NR5A2: variants seen among roughly 807,000 people sequenced by gnomAD.
The protein encoded by NR5A2 is CYP7A promoter-binding factor.
In NR5A2, 26 loss-of-function variants were observed where a neutral mutation model predicts 62.7. The observed-to-expected ratio is 0.41, with a 90% CI of 0.30 to 0.58. NR5A2 has a LOEUF of 0.58. NR5A2 is among the 20% of genes least tolerant of loss of function. The pLI is 0.22. For synonymous variants in NR5A2, 246 were observed against 241.7 expected (o/e 1.02, Z -0.16); for missense variants, 541 against 669.1 (o/e 0.81, Z 2.11).
At chr1:200,108,081 CGTGTGTGT>C (rs71132660) in intron 5 of NR5A2, among the ~76,000 whole-genome samples, 63,036 of 146,700 alleles carry the variant, frequency 0.43, 13,417 homozygotes, top group Admixed American at 0.45. Flanking sequence ...AGAAGACATA[CGTGTGTGT>C]GTGTGTGTGT....
At chr1:200,071,273 C>A (rs1663726406) in intron 5 of NR5A2, among the ~76,000 whole-genome samples, 1 of 152,152 alleles carries the variant, frequency 6.6e-6, no homozygotes, top group African/African-American at 2.4e-5. Flanking sequence ...AGCTTTCAGC[C>A]CTGTCTCATT....
At chr1:200,085,351 C>G (rs990634938) in intron 5 of NR5A2, among the ~76,000 whole-genome samples, 6 of 152,066 alleles carry the variant, frequency 3.9e-5, no homozygotes, top group Non-Finnish European at 7.4e-5. Flanking sequence ...TTGATTGATT[C>G]AACAAATACT....
In NR5A2 at chr1:200,039,069, C is replaced by G. The variant is rs890940085; in HGVS notation, c.65-589C>G. Among the ~76,000 whole-genome samples, 7 of 152,082 alleles carry G rather than the reference C, an allele frequency of 4.6e-5. No homozygotes were observed. The highest frequency in any genetic ancestry group is 1.4e-4 in the African/African-American group (6 of 41,412). ...GGCTGGGAAGGGCCGTTCTCGGTCC[C>G]GCGCGGGGAGTGGACCAGGCAGGAG... On this transcript the variant is annotated intron_variant, in intron 1 of 7. Transcript: ENST00000367362. The surrounding 1 kb of genome is among the most constrained non-coding windows in gnomAD (Gnocchi z 5.1).
At chr1:200,106,956 A>T (rs1665705548) in intron 5 of NR5A2, among the ~76,000 whole-genome samples, 1 of 152,188 alleles carries the variant, frequency 6.6e-6, no homozygotes, top group South Asian at 2.1e-4. Context: ...ATTATGGAAA[A>T]TAATGAAATG....
In NR5A2 at chr1:200,131,847, T is replaced by C. The variant is rs570463597; in HGVS notation, c.1378+10892T>C. Among the ~76,000 whole-genome samples, 4 of 152,262 alleles carry C rather than the reference T, an allele frequency of 2.6e-5. No homozygotes were observed. The East Asian group carries it at 7.7e-4, about 29-fold the overall frequency. On this transcript the variant is annotated intron_variant, in intron 7 of 7. Coordinates refer to ENST00000367362, the MANE Select transcript of NR5A2 (RefSeq NM_205860.3). ...AGTCTTATCTTGAGTTGTGGCTGTG[T>C]TTGGTTAAGAAGGTTAAATTTCAAA... is the stretch of plus-strand genomic sequence containing the variant.
intron 5 of NR5A2, among the ~76,000 whole-genome samples, chr1:200,085,092 C>G (rs548871327): frequency 6.6e-6 from 1 of 152,046 alleles, no homozygotes; most frequent in Non-Finnish European, 1.5e-5. Flanking sequence ...CTAATGCTTC[C>G]GTCTAGTGGA....
At chr1:200,161,026 G>T (rs1468990999) in intron 7 of NR5A2, among the ~76,000 whole-genome samples, 1 of 151,886 alleles carries the variant, frequency 6.6e-6, no homozygotes, top group Non-Finnish European at 1.5e-5. Flanking sequence ...AGGGAGGGCT[G>T]CTCTTTACGA....
At chr1:200,114,078 G>A (rs1167442688) in intron 6 of NR5A2, among the ~76,000 whole-genome samples, 1 of 152,122 alleles carries the variant, frequency 6.6e-6, no homozygotes, top group Non-Finnish European at 1.5e-5. Context: ...AGCTACTTGA[G>A]AGGCTGAGGC....
At chr1:200,032,666 G>GAT (rs148188489) in intron 1 of NR5A2, among the ~76,000 whole-genome samples, 4,643 of 149,842 alleles carry the variant, frequency 0.031, 212 homozygotes, top group African/African-American at 0.099. Context: ...AAGGGGAACT[G>GAT]ATATATATAT....
At chr1:200,078,486 C>T (rs2102230498) in intron 5 of NR5A2, among the ~76,000 whole-genome samples, 1 of 152,176 alleles carries the variant, frequency 6.6e-6, no homozygotes, top group Non-Finnish European at 1.5e-5. Flanking sequence ...TTTTCTAGAC[C>T]CAACAGAGAA....
At position 200,120,743 on chromosome 1, in the gene NR5A2, A is replaced by C. The variant is rs116485855; in HGVS notation, c.1231-65A>C. ...CAATCTGATTTTACCCATAGTTCTT[A>C]CGACTCAGGTGAAATACATATTGCT... is the stretch of plus-strand genomic sequence containing the variant. On this transcript the variant is annotated intron_variant, in intron 6 of 7. Transcript: ENST00000367362. 9.1e-5 allele frequency: 132 copies of C among 1,453,564 alleles called. No homozygotes were observed. In the African/African-American group the frequency reaches 1.8e-3, roughly 20 times the overall value. 90.0% of individuals were successfully genotyped at this position (1,453,564 alleles called of 1,614,324 possible). A position where few individuals can be genotyped will look rare whatever the true frequency, so the allele number is the denominator to read the frequency against.
chr1:200,087,243 C>T (rs538025802), intron 5 of NR5A2, among the ~76,000 whole-genome samples: 17 of 36,796 alleles, frequency 4.6e-4, no homozygotes, highest in Admixed American at 3.6e-3. Context: ...TCTTCACCAA[C>T]ACACACACAC....
At chr1:200,145,416 G>C (rs781016677) in intron 7 of NR5A2, among the ~76,000 whole-genome samples, 6 of 151,626 alleles carry the variant, frequency 4.0e-5, no homozygotes, top group Non-Finnish European at 8.8e-5. Context: ...ACCAATTCCT[G>C]TGTGAAATAT....
At chr1:200,084,197 A>AC (rs1302618676) in intron 5 of NR5A2, among the ~76,000 whole-genome samples, 1 of 152,042 alleles carries the variant, frequency 6.6e-6, no homozygotes, top group East Asian at 1.9e-4. Context: ...GACTAAGAGC[A>AC]TTTATTTAAG....
chr1:200,162,887 A>G (rs1418981893), intron 7 of NR5A2, among the ~76,000 whole-genome samples: 1 of 152,202 alleles, frequency 6.6e-6, no homozygotes, highest in Non-Finnish European at 1.5e-5. Flanking sequence ...TACATTTTAG[A>G]CACTGAGTTT....
At chr1:200,157,642 A>G (rs1653450983) in intron 7 of NR5A2, among the ~76,000 whole-genome samples, 1 of 152,236 alleles carries the variant, frequency 6.6e-6, no homozygotes, top group Admixed American at 6.5e-5. Flanking sequence ...TGTCTTTCAT[A>G]TACAAATACA....
At chr1:200,159,055 T>G (rs1445543347) in intron 7 of NR5A2, among the ~76,000 whole-genome samples, 1 of 151,964 alleles carries the variant, frequency 6.6e-6, no homozygotes, top group Non-Finnish European at 1.5e-5. Flanking sequence ...GCTATTTTTT[T>G]TTTTAATTTT....
intron 6 of NR5A2, among the ~76,000 whole-genome samples, chr1:200,118,058 C>T (rs1666321514): frequency 1.4e-5 from 2 of 142,474 alleles, no homozygotes; most frequent in African/African-American, 2.6e-5. Context: ...ACTCTGTTGC[C>T]CAGGTTGGAG....
chr1:200,060,547 C>A (rs1373854718), intron 5 of NR5A2, among the ~76,000 whole-genome samples: 1 of 152,068 alleles, frequency 6.6e-6, no homozygotes, highest in African/African-American at 2.4e-5. Flanking sequence ...GCATGGATCC[C>A]ACGAAGTCAA....
Sources: allele counts gnomAD v4.1 joint callset (sites outside exome capture counted in the v4.1 genomes callset), GRCh38; gene constraint gnomAD v4.1.1; non-coding constraint Gnocchi (gnomAD v3.1); transcripts MANE v1.5; gene names NCBI Gene and HGNC (gene_info 2026-07-23, HGNC 2026-07-21).